NOTCH2NLC: variants seen among roughly 807,000 people sequenced by gnomAD.
NOTCH2NLC encodes the protein notch 2 N-terminal like C.
NOTCH2NLC carries 4 observed loss-of-function variants against 17.7 expected under a neutral mutation model. That is an observed-to-expected ratio of 0.23 (90% CI 0.11 to 0.52). The LOEUF is 0.52. Ranked by LOEUF, NOTCH2NLC falls within the 20% of genes least tolerant of loss-of-function variation. The pLI is 0.96. For missense variants in NOTCH2NLC, 57 were observed against 207.2 expected, an observed-to-expected ratio of 0.28 and a Z score of 4.45; for synonymous variants, 18 against 86.0, an observed-to-expected ratio of 0.21 and a Z score of 4.38.
At chr1:149,398,576 C>G (rs1451637300) in intron 1 of NOTCH2NLC, among the ~76,000 whole-genome samples, 3 of 150,876 alleles carry the variant, frequency 2.0e-5, no homozygotes, top group Admixed American at 2.0e-4. Flanking sequence ...TGGCAAAACC[C>G]TGTTCTACTA....
At chr1:149,391,008 T>G in intron 1 of NOTCH2NLC, 86 bp downstream of exon 1, 4 of 1,084,502 alleles carry the variant, frequency 3.7e-6, no homozygotes, top group Non-Finnish European at 4.6e-6. Context: ...CTTCTCTGTG[T>G]GGGAAGGCCA....
chr1:149,395,546 C>T (rs1343446292), intron 1 of NOTCH2NLC, among the ~76,000 whole-genome samples: 1 of 150,682 alleles, frequency 6.6e-6, no homozygotes, highest in East Asian at 2.0e-4. Context: ...CCACCCACCC[C>T]CTGCCTCTCA....
chr1:149,395,986 A>G lies in NOTCH2NLC; in HGVS notation c.135+5064A>G, dbSNP rs1411062855. Among the ~76,000 whole-genome samples, 103 of 150,924 alleles carry G rather than the reference A, an allele frequency of 6.8e-4. 3 individuals carry two copies. Among genetic ancestry groups the G allele is most frequent in the Admixed American group, 2.0e-4 (3 of 15,154 alleles). ...GCTACACACATTTCTTCTCTGTACT[A>G]CAGAACTTGTCTGGCATGTGCCCGA... On this transcript the variant is annotated intron_variant, in intron 1 of 4. Coordinates refer to ENST00000650865, the MANE Select transcript of NOTCH2NLC (RefSeq NM_001364013.2).
chr1:149,425,007 G>C (rs1353444689), intron 1 of NOTCH2NLC, among the ~76,000 whole-genome samples: 2 of 151,340 alleles, frequency 1.3e-5, no homozygotes, highest in African/African-American at 2.4e-5. Flanking sequence ...ACGTTTCAAC[G>C]TGAGATTTGG....
rs1455678829 is a variant in NOTCH2NLC, at chr1:149,471,776, A to G, written c.*7623A>G. Among the ~76,000 whole-genome samples the G allele has an allele frequency of 7.5e-5, 11 of 147,128 alleles. No homozygotes were observed. Among genetic ancestry groups the G allele is most frequent in the African/African-American group, 2.8e-4 (11 of 39,836 alleles). ...GCTTAAAAATGGTGATTTTTGTGAT[A>G]TATGAATTATACTATGGAACTAATA... On this transcript the variant is annotated 3_prime_UTR_variant, in exon 5 of 5. Transcript: ENST00000650865.
chr1:149,413,697 G>C (rs1178946138), intron 1 of NOTCH2NLC, among the ~76,000 whole-genome samples: 4 of 151,088 alleles, frequency 2.6e-5, no homozygotes, highest in African/African-American at 7.3e-5. Flanking sequence ...CTCATAGCCT[G>C]GCTTACCTGT....
At chr1:149,402,226 T>C (rs1346937689) in intron 1 of NOTCH2NLC, among the ~76,000 whole-genome samples, 2 of 150,576 alleles carry the variant, frequency 1.3e-5, no homozygotes, top group East Asian at 2.0e-4. Context: ...ATTACAGGCA[T>C]GCACCACAAC....
intron 3 of NOTCH2NLC, among the ~76,000 whole-genome samples, chr1:149,460,428 TC>T (rs1425163673): frequency 1.5e-5 from 2 of 137,270 alleles, no homozygotes; most frequent in African/African-American, 2.7e-5. Context: ...AAGCTCCACC[TC>T]CCGGGTTCAC....
At chr1:149,429,642 A>G (rs2084432849) in intron 1 of NOTCH2NLC, among the ~76,000 whole-genome samples, 1 of 151,318 alleles carries the variant, frequency 6.6e-6, no homozygotes, top group African/African-American at 2.4e-5. Context: ...TTCTGTAAAC[A>G]TGTTCTCAAA....
intron 1 of NOTCH2NLC, among the ~76,000 whole-genome samples, chr1:149,416,215 A>G (rs1489242810): frequency 5.3e-5 from 5 of 94,306 alleles, no homozygotes; most frequent in Non-Finnish European, 6.4e-5. Context: ...GGTTTCCTAA[A>G]TTGGGATTCA....
At chr1:149,461,662 G>A (rs1329322027) in intron 3 of NOTCH2NLC, among the ~76,000 whole-genome samples, 1 of 151,332 alleles carries the variant, frequency 6.6e-6, no homozygotes, top group Non-Finnish European at 1.5e-5. Flanking sequence ...AAATCGTGCT[G>A]CTATAAAGAC....
chr1:149,435,431 G>A (rs1393589619), intron 2 of NOTCH2NLC, among the ~76,000 whole-genome samples: 4 of 147,346 alleles, frequency 2.7e-5, no homozygotes, highest in African/African-American at 1.0e-4. Flanking sequence ...GGACACGTTA[G>A]GGTGGGCCTA....
intron 1 of NOTCH2NLC, among the ~76,000 whole-genome samples, chr1:149,409,404 G>A (rs2084286742): frequency 6.6e-6 from 1 of 150,450 alleles, no homozygotes; most frequent in Admixed American, 6.6e-5. Context: ...TTTTATAATA[G>A]TGCTTAATCT....
intron 2 of NOTCH2NLC, among the ~76,000 whole-genome samples, chr1:149,436,693 A>G (rs1188456959): frequency 1.3e-5 from 2 of 150,278 alleles, no homozygotes; most frequent in African/African-American, 4.9e-5. Flanking sequence ...AAAAATATCA[A>G]CTGTTAAATT....
intron 1 of NOTCH2NLC, among the ~76,000 whole-genome samples, chr1:149,413,741 C>T (rs1224773876): frequency 6.6e-6 from 1 of 151,094 alleles, no homozygotes; most frequent in Admixed American, 6.6e-5. Flanking sequence ...TTTGCTAGAT[C>T]ATATATCTTC....
intron 1 of NOTCH2NLC, among the ~76,000 whole-genome samples, chr1:149,423,127 A>G: frequency 6.9e-6 from 1 of 144,876 alleles, no homozygotes; most frequent in Middle Eastern, 3.5e-3. Context: ...TCTGGATCTG[A>G]TACTAGCATC....
intron 2 of NOTCH2NLC, among the ~76,000 whole-genome samples, chr1:149,453,314 TG>T (rs1305281073): frequency 4.2e-5 from 5 of 118,090 alleles, no homozygotes; most frequent in African/African-American, 1.5e-4. Context: ...GCAATTCTCA[TG>T]CCTCAGCCTC....
At chr1:149,408,577 C>T (rs1570901826) in intron 1 of NOTCH2NLC, among the ~76,000 whole-genome samples, 1 of 151,128 alleles carries the variant, frequency 6.6e-6, no homozygotes, top group African/African-American at 2.4e-5. Flanking sequence ...GTATCTAGAG[C>T]CTGTGGGAAC....
chr1:149,409,389 A>G (rs2084286670), intron 1 of NOTCH2NLC, among the ~76,000 whole-genome samples: 1 of 150,300 alleles, frequency 6.7e-6, no homozygotes, highest in Non-Finnish European at 1.5e-5. Context: ...TTTTTTCAAA[A>G]CTTTTTTTAT....
Sources: allele counts gnomAD v4.1 joint callset (sites outside exome capture counted in the v4.1 genomes callset), GRCh38; gene constraint gnomAD v4.1.1; transcripts MANE v1.5; gene names NCBI Gene and HGNC (gene_info 2026-07-23, HGNC 2026-07-21).